CCDC150: variants seen among roughly 807,000 people sequenced by gnomAD.
CCDC150 encodes the protein coiled-coil domain containing 150, also known as coiled-coil domain-containing protein 150.
A neutral mutation model predicts 156.5 loss-of-function variants in CCDC150; 151 were observed. That is an observed-to-expected ratio of 0.97 (90% CI 0.85 to 1.10). The LOEUF (loss-of-function observed/expected upper bound fraction) is 1.10. CCDC150 is among the 50% of genes least tolerant of loss of function. CCDC150 has a pLI of 0.00. For missense variants in CCDC150, 1,312 were observed against 1,268.1 expected (o/e 1.03, Z -0.53); for synonymous variants, 452 against 429.4 (o/e 1.05, Z -0.65).
intron 5 of CCDC150, among the ~76,000 whole-genome samples, chr2:196,661,903 A>G (rs544796761): frequency 6.6e-6 from 1 of 152,316 alleles, no homozygotes; most frequent in Admixed American, 6.5e-5. Context: ...TTTCAAGCCT[A>G]CATAATGGGG....
At chr2:196,709,089 GAA>G (rs1696893287) in intron 15 of CCDC150, among the ~76,000 whole-genome samples, 1 of 152,164 alleles carries the variant, frequency 6.6e-6, no homozygotes, top group African/African-American at 2.4e-5. Flanking sequence ...ATAATATCCT[GAA>G]GAGTGTTTTC....
intron 22 of CCDC150, among the ~76,000 whole-genome samples, chr2:196,728,554 T>C (rs1698342398): frequency 6.6e-6 from 1 of 152,156 alleles, no homozygotes; most frequent in Admixed American, 6.5e-5. Flanking sequence ...GTAACTACTA[T>C]GCAGTTTTTT....
intron 23 of CCDC150, 100 bp downstream of exon 23, chr2:196,729,487 A>T: frequency 2.8e-6 from 3 of 1,087,314 alleles, no homozygotes; most frequent in Non-Finnish European, 4.1e-6. Flanking sequence ...TAGCAGCCCC[A>T]TGTATTCTCT....
At position 196,669,908 on chromosome 2, in the gene CCDC150, G is replaced by A. The variant is rs773212580; in HGVS notation, c.936+32G>A. 7 of 1,538,122 alleles carry A rather than the reference G, an allele frequency of 4.6e-6. No homozygotes were observed. In the East Asian group the frequency reaches 1.4e-4, roughly 30 times the overall value. ...TTTGAAGTTGTGGAGTACAGAGGTG[G>A]TCTTTCCTCTCTTCACTAAGTCCTA... On this transcript the variant is annotated intron_variant, in intron 8 of 27. Coordinates refer to ENST00000389175, the MANE Select transcript of CCDC150 (RefSeq NM_001080539.2).
In CCDC150 at chr2:196,718,466, T is replaced by C. The variant is rs1575952592; in HGVS notation, c.1867-37T>C. The C allele has an allele frequency of 3.3e-6, 5 of 1,513,998 alleles. No individual in the cohort carries two copies. In the East Asian group the frequency reaches 1.2e-4, roughly 36 times the overall value. The allele number at this position is 1,513,998 out of a possible 1,614,324, so 93.8% of individuals were successfully genotyped here. On this transcript the variant is annotated intron_variant, in intron 17 of 27. Coordinates refer to ENST00000389175, the MANE Select transcript of CCDC150 (RefSeq NM_001080539.2). ...TCTATGTCTTATTCTAATCACTGAT[T>C]TGTAATGTTATTTATTGTTTCTTTT... is the stretch of plus-strand genomic sequence containing the variant.
At chr2:196,647,801 C>T (rs1170475519) in intron 2 of CCDC150, among the ~76,000 whole-genome samples, 1 of 151,938 alleles carries the variant, frequency 6.6e-6, no homozygotes, top group Non-Finnish European at 1.5e-5. Flanking sequence ...ATATACAATA[C>T]GTTATTATTA....
chr2:196,701,125 T>C lies in CCDC150; in HGVS notation c.1640T>C (p.Val547Ala), dbSNP rs373232385. Residue 547 changes from valine to alanine, a missense_variant, in exon 15 of 28, where the codon GTG (valine) becomes GCG (alanine). Physicochemically the swap from Val to Ala is moderately conservative, Grantham distance 64 (BLOSUM62 0). Coordinates refer to ENST00000389175, the MANE Select transcript of CCDC150 (RefSeq NM_001080539.2). ...SDYHGLAQQKVEKITESKNKL... is the reference protein window; with the variant it reads ...SDYHGLAQQKAEKITESKNKL... ...CCTTATCAGCTTGCCCAACAGAAGG[T>C]GGAAAAAATCACTGAAAGTAAAAAT... 1.2e-5 allele frequency: 20 copies of C among 1,608,944 alleles called. No homozygotes were observed. Among genetic ancestry groups the C allele is most frequent in the Non-Finnish European group, 1.6e-5 (19 of 1,177,818 alleles).
intron 13 of CCDC150, 146 bp downstream of exon 13, chr2:196,677,507 A>T: frequency 1.6e-6 from 1 of 628,270 alleles, no homozygotes; most frequent in South Asian, 2.0e-5. Context: ...CACTCAGAGC[A>T]CACCAGTCAC....
At chr2:196,702,845 G>A (rs1204166196) in intron 15 of CCDC150, among the ~76,000 whole-genome samples, 1 of 152,094 alleles carries the variant, frequency 6.6e-6, no homozygotes, top group Non-Finnish European at 1.5e-5. Flanking sequence ...CATGATTCTG[G>A]AGGCTGGGAA....
intron 26 of CCDC150, 59 bp downstream of exon 26, chr2:196,731,004 A>G: frequency 7.9e-7 from 1 of 1,268,900 alleles, no homozygotes; most frequent in Non-Finnish European, 1.1e-6. Context: ...GCAACCCTGA[A>G]GCAACCCAAG....
intron 7 of CCDC150, among the ~76,000 whole-genome samples, chr2:196,669,117 T>C (rs1190055915): frequency 6.6e-6 from 1 of 152,222 alleles, no homozygotes; most frequent in Non-Finnish European, 1.5e-5. Context: ...CTGTACATGC[T>C]CTGAGTGGTT....
intron 5 of CCDC150, among the ~76,000 whole-genome samples, chr2:196,659,981 T>C (rs2037335): frequency 1 from 152,320 of 152,322 alleles, 76,159 homozygotes; most frequent in Non-Finnish European, 1. Context: ...CTACCCATCC[T>C]TCCTCATGTC....
intron 2 of CCDC150, among the ~76,000 whole-genome samples, chr2:196,656,189 T>C (rs1301267078): frequency 3.9e-5 from 6 of 152,096 alleles, no homozygotes; most frequent in Non-Finnish European, 8.8e-5. Flanking sequence ...GGCAGGTGAA[T>C]TAAAAGCCAC....
Position 196,676,645 on chromosome 2 carries a change from A to G in CCDC150, c.1354A>G (p.Thr452Ala). Residue 452 changes from threonine (T) to alanine (A), a missense_variant, in exon 12 of 28, where the codon ACT (threonine) becomes GCT (alanine). Transcript: ENST00000389175. ...TAVQKELLES[T>A]IARLRGELEA... ...TGTGCAAAAAGAGCTGCTAGAATCA[A>G]CTATTGCAAGATTGCGAGGTGAATT... 2 of 1,613,802 alleles carry G rather than the reference A, an allele frequency of 1.2e-6. No homozygotes were observed. The highest frequency in any genetic ancestry group is 1.7e-6 in the Non-Finnish European group (2 of 1,179,726).
intron 2 of CCDC150, among the ~76,000 whole-genome samples, chr2:196,651,893 A>G (rs865911261): frequency 6.6e-6 from 1 of 152,194 alleles, no homozygotes; most frequent in Non-Finnish European, 1.5e-5. Flanking sequence ...GACGCTTACA[A>G]TCATGGTGGA....
At chr2:196,650,250 A>G (rs1692797700) in intron 2 of CCDC150, among the ~76,000 whole-genome samples, 1 of 152,196 alleles carries the variant, frequency 6.6e-6, no homozygotes. Flanking sequence ...TGAGATGATT[A>G]TATAATTTTT....
intron 14 of CCDC150, among the ~76,000 whole-genome samples, chr2:196,699,066 C>T (rs1438559482): frequency 6.6e-6 from 1 of 152,172 alleles, no homozygotes; most frequent in African/African-American, 2.4e-5. Context: ...GCAAAGAGCA[C>T]TGTGTTTTCC....
At chr2:196,731,288 A>G (rs1698503625) in intron 26 of CCDC150, among the ~76,000 whole-genome samples, 1 of 152,094 alleles carries the variant, frequency 6.6e-6, no homozygotes, top group Non-Finnish European at 1.5e-5. Flanking sequence ...TGTTCAATCA[A>G]TCAATAACTA....
chr2:196,712,171 A>C lies in CCDC150; in HGVS notation c.1722A>C (p.Gln574His), dbSNP rs1268086741. 105 of 1,572,592 alleles carry C rather than the reference A, an allele frequency of 6.7e-5. 1 individual carries two copies. The Admixed American group carries it at 1.9e-3, about 28-fold the overall frequency. The change falls in exon 16 of 28, where the codon CAA becomes CAC. Residue 574 changes from glutamine to histidine, a missense_variant. Physicochemically the swap from Gln to His is conservative, Grantham distance 24. Transcript: ENST00000389175. ...TAAAAGTTAAACAGCTAGAAGAACAAGTACAGTCTTTTACTGACACCAGCT... is the reference window on the plus strand; with the variant it reads ...TAAAAGTTAAACAGCTAGAAGAACACGTACAGTCTTTTACTGACACCAGCT... ...LQIKVKQLEE[Q>H]VQSFTDTSLQ...
Sources: allele counts gnomAD v4.1 joint callset (sites outside exome capture counted in the v4.1 genomes callset), GRCh38; gene constraint gnomAD v4.1.1; transcripts MANE v1.5; gene names NCBI Gene and HGNC (gene_info 2026-07-23, HGNC 2026-07-21).